Variants in COMMD3 observed in about 807,000 individuals in gnomAD.
COMMD3 encodes the protein COMM domain containing 3.
Under a neutral mutation model 31.2 loss-of-function variants are expected in COMMD3, and 31 were observed. The observed-to-expected ratio is 0.99, with a 90% CI of 0.75 to 1.34. The LOEUF (loss-of-function observed/expected upper bound fraction) is 1.34, where lower values mean the gene tolerates loss of function less well. Ranked by LOEUF, COMMD3 falls within the 40% of genes most tolerant of loss-of-function variation. COMMD3 has a pLI of 0.00. For missense variants in COMMD3, 274 were observed against 236.9 expected (o/e 1.16, Z -1.03); for synonymous variants, 108 against 87.3 (o/e 1.24, Z -1.32).
rs377587517 is a variant in COMMD3 at position 22,317,882 on chromosome 10, A to C, written c.140-2A>C. The C allele has an allele frequency of 1.9e-6, 3 of 1,613,130 alleles. No individual in the cohort carries two copies. The highest frequency in any genetic ancestry group is 2.5e-6 in the Non-Finnish European group (3 of 1,179,602). On this transcript the variant is annotated splice_acceptor_variant, in intron 1 of 7. Transcript: ENST00000376836. LOFTEE classifies it high-confidence loss of function. ...GCATCACTGGAAGTTAATTTATTTT[A>C]GATCATCCAGACTTGAAACATATCG...
At position 22,317,904 on chromosome 10, in the gene COMMD3, A is replaced by G. The variant is rs1211463894; in HGVS notation, c.160A>G (p.Ile54Val). Reference protein sequence around the residue: ...AVLDHPDLKHIDPVVLKHCHA... With the variant: ...AVLDHPDLKHVDPVVLKHCHA... The stretch of plus-strand genomic sequence containing the variant: ...TTTAGATCATCCAGACTTGAAACAT[A>G]TCGACCCAGTGGTTTTAAAACATTG... Residue 54 changes from isoleucine (I) to valine (V), a missense_variant, in exon 2 of 8, where the codon ATC (isoleucine) becomes GTC (valine). Physicochemically the swap from Ile to Val is conservative, Grantham distance 29. Transcript: ENST00000376836. 6.2e-7 allele frequency: 1 copy of G among 1,614,020 alleles called. No individual in the cohort carries two copies.
At chr10:22,319,236 G>A in intron 7 of COMMD3, 1 of 473,094 alleles carries the variant, frequency 2.1e-6, no homozygotes, top group Non-Finnish European at 3.6e-6. Context: ...GTCTGTATTT[G>A]CTGTTCTTGC....
At chr10:22,319,212 T>C in intron 7 of COMMD3, 194 bp downstream of exon 7, 1 of 584,180 alleles carries the variant, frequency 1.7e-6, no homozygotes. Context: ...TAAGATGTTA[T>C]TAATAGAGAA....
At chr10:22,318,591 T>C (rs1389471823) in intron 4 of COMMD3, 62 bp from the exon 5 acceptor site, 1 of 1,429,420 alleles carries the variant, frequency 7.0e-7, no homozygotes, top group Non-Finnish European at 9.8e-7. Context: ...TCTTAGTAAA[T>C]ATAAATAACT....
chr10:22,318,926 G>A (rs373229413), intron 6 of COMMD3, 33 bp from the exon 7 acceptor site: 17 of 1,611,070 alleles, frequency 1.1e-5, no homozygotes, highest in African/African-American at 9.4e-5. Context: ...AATAAACAGC[G>A]TTTCTTGTTG....
intron 7 of COMMD3, 28 bp downstream of exon 7, chr10:22,319,046 C>T (rs1835909389): frequency 6.4e-7 from 1 of 1,562,338 alleles, no homozygotes; most frequent in Non-Finnish European, 8.6e-7. Flanking sequence ...ATAAATATTC[C>T]TGTCTTTTTA....
chr10:22,319,408 A>C, intron 7 of COMMD3: 1 of 177,236 alleles, frequency 5.6e-6, no homozygotes, highest in Non-Finnish European at 1.2e-5. Context: ...TTTTTAAATG[A>C]CTTTATAAAG....
rs374103867 is a variant in COMMD3 at position 22,317,881 on chromosome 10, T to C, written c.140-3T>C. On this transcript the variant is annotated splice_region_variant and splice_polypyrimidine_tract_variant and intron_variant, in intron 1 of 7. Coordinates refer to ENST00000376836, the MANE Select transcript of COMMD3 (RefSeq NM_012071.4). ...GGCATCACTGGAAGTTAATTTATTTTAGATCATCCAGACTTGAAACATATC... is the reference window on the plus strand; with the variant it reads ...GGCATCACTGGAAGTTAATTTATTTCAGATCATCCAGACTTGAAACATATC... 5.1e-5 allele frequency: 83 copies of C among 1,613,028 alleles called. No individual in the cohort carries two copies. The South Asian group carries it at 7.5e-4, about 15-fold the overall frequency.
chr10:22,318,320 A>T lies in COMMD3; in HGVS notation c.350+14A>T, dbSNP rs1835894378. 4 of 1,594,674 alleles carry T rather than the reference A, an allele frequency of 2.5e-6. No homozygotes were observed. Among genetic ancestry groups the T allele is most frequent in the Non-Finnish European group, 3.4e-6 (4 of 1,174,926 alleles). Reference sequence around the variant, plus strand: ...CCTACTGGGAAGGTAGGTACTGTATAAGGTGTCAAGCTGAGGCACTTTTCA... The same window carrying T: ...CCTACTGGGAAGGTAGGTACTGTATTAGGTGTCAAGCTGAGGCACTTTTCA... On this transcript the variant is annotated intron_variant, in intron 4 of 7. Coordinates refer to ENST00000376836, the MANE Select transcript of COMMD3 (RefSeq NM_012071.4).
rs1470131269 is a variant in COMMD3 at position 22,316,479 on chromosome 10, A to C, written c.62A>C (p.Asp21Ala). The change falls in exon 1 of 8, where the codon GAC becomes GCC. Residue 21 changes from aspartate to alanine, a missense_variant. Transcript: ENST00000376836. Reference sequence around the variant, plus strand: ...ATGCTGGCGGATCCCCGCTCCTTCGACTCCAACGCCTTCACGCTTCTCCTC... The same window carrying C: ...ATGCTGGCGGATCCCCGCTCCTTCGCCTCCAACGCCTTCACGCTTCTCCTC... The part of the protein sequence containing the change: ...FQMLADPRSF[D>A]SNAFTLLLRA... 1.2e-5 allele frequency: 19 copies of C among 1,549,682 alleles called. No homozygotes were observed. The Admixed American group carries it at 2.4e-4, about 19-fold the overall frequency.
intron 7 of COMMD3, chr10:22,319,318 A>T (rs1395474267): frequency 1.1e-5 from 3 of 263,202 alleles, no homozygotes; most frequent in Non-Finnish European, 2.1e-5. Flanking sequence ...CCAATAAGAT[A>T]AACAAAATTA....
chr10:22,316,591 C>G (rs764663778), intron 1 of COMMD3, 35 bp downstream of exon 1: 79 of 1,461,784 alleles, frequency 5.4e-5, no homozygotes, highest in Non-Finnish European at 6.5e-5. Flanking sequence ...GCTGGATCCG[C>G]CGGGGTGGAG....
intron 4 of COMMD3, 127 bp from the exon 5 acceptor site, chr10:22,318,526 A>G: frequency 9.1e-7 from 1 of 1,097,662 alleles, no homozygotes. Flanking sequence ...AAGTTTAACA[A>G]TGGTTTAAAT....
In COMMD3 at chr10:22,318,693, C is replaced by T. The variant is rs143840494; in HGVS notation, c.391C>T (p.Arg131Cys). 23 of 1,613,136 alleles carry T rather than the reference C, an allele frequency of 1.4e-5. No homozygotes were observed. The highest frequency in any genetic ancestry group is 1.3e-4 in the South Asian group (12 of 91,062). The change falls in exon 5 of 8, where the codon CGC becomes TGC. Residue 131 changes from arginine to cysteine, a missense_variant. Physicochemically the swap from Arg to Cys is radical, Grantham distance 180 (BLOSUM62 -3). Transcript: ENST00000376836. ...CCCTCATATAACGGATGTTTCTTGG[C>T]GCTTGGAATATCAGATAAAGGTAAA... Reference protein sequence around the residue: ...SLPHITDVSWRLEYQIKTNQL... With the variant: ...SLPHITDVSWCLEYQIKTNQL...
rs772387220 is a variant in COMMD3, at chr10:22,318,694, G to A, written c.392G>A (p.Arg131His). The A allele has an allele frequency of 3.7e-6, 6 of 1,613,202 alleles. No individual in the cohort carries two copies. Among genetic ancestry groups the A allele is most frequent in the Non-Finnish European group, 4.2e-6 (5 of 1,179,504 alleles). Residue 131 changes from arginine (R) to histidine (H), a missense_variant, in exon 5 of 8, where the codon CGC becomes CAC. By Grantham distance (29) the Arg-to-His change is conservative. Transcript: ENST00000376836. Reference sequence around the variant, plus strand: ...CCTCATATAACGGATGTTTCTTGGCGCTTGGAATATCAGATAAAGGTAAAG... The same window carrying A: ...CCTCATATAACGGATGTTTCTTGGCACTTGGAATATCAGATAAAGGTAAAG... ...SLPHITDVSW[R>H]LEYQIKTNQL...
rs1345604308 is a variant in COMMD3, at chr10:22,316,523, CT to C, written c.107del (p.Leu36ArgfsTer11). 6.5e-7 allele frequency: 1 copy of C among 1,549,800 alleles called. No homozygotes were observed. The highest frequency in any genetic ancestry group is 2.4e-5 in the East Asian group (1 of 40,860). On this transcript the variant is annotated frameshift_variant, in exon 1 of 8. Transcript: ENST00000376836. LOFTEE classifies it high-confidence loss of function. ...TLLLRAAFQS[L>X]LDAQADEAVL... ...TCTCCTCCGGGCGGCATTCCAGAGT[CT>C]GCTGGACGCCCAGGCGGACGAGGCC...
chr10:22,316,725 C>T, intron 1 of COMMD3, 169 bp downstream of exon 1: 1 of 1,239,540 alleles, frequency 8.1e-7, no homozygotes, highest in Non-Finnish European at 1.1e-6. Context: ...GGACTCGGAG[C>T]AGACTCTGAG....
chr10:22,320,058 G>A lies in COMMD3; in HGVS notation c.*60G>A, dbSNP rs1835936348. The stretch of plus-strand genomic sequence containing the variant: ...GAAAACCAGAAACGCCTTGCCTTCA[G>A]CTGAACCACCGTTTGTGCGAGCTGG... On this transcript the variant is annotated 3_prime_UTR_variant, in exon 8 of 8. Transcript: ENST00000376836. 2 of 1,613,844 alleles carry A rather than the reference G, an allele frequency of 1.2e-6. No individual in the cohort carries two copies. The highest frequency in any genetic ancestry group is 1.7e-6 in the Non-Finnish European group (2 of 1,179,850).
intron 7 of COMMD3, chr10:22,319,332 G>A (rs144347963): frequency 4.5e-4 from 108 of 238,598 alleles, no homozygotes; most frequent in African/African-American, 2.3e-3. Flanking sequence ...AAAATTAAGA[G>A]CATGGCTTTG....
Sources: allele counts gnomAD v4.1 joint callset, GRCh38; gene constraint gnomAD v4.1.1; transcripts MANE v1.5; gene names NCBI Gene and HGNC (gene_info 2026-07-23, HGNC 2026-07-21).